Variants in MROH9 observed in about 807,000 individuals in gnomAD.
MROH9 encodes maestro heat-like repeat-containing protein family member 9.
A neutral mutation model predicts 98.2 loss-of-function variants in MROH9; 92 were observed. The ratio of observed to expected loss-of-function variants is 0.94; its 90% CI spans 0.79 to 1.11. The LOEUF is 1.11. Ranked by LOEUF, MROH9 falls within the 50% of genes most tolerant of loss-of-function variation. MROH9 has a pLI of 0.00. For synonymous variants in MROH9, 397 were observed against 368.9 expected (o/e 1.08, Z -0.87); for missense variants, 1,057 against 1,014.8 (o/e 1.04, Z -0.57).
chr1:171,037,151 T>TA (rs574133104), intron 20 of MROH9, among the ~76,000 whole-genome samples: 2 of 150,568 alleles, frequency 1.3e-5, no homozygotes, highest in Non-Finnish European at 3.0e-5. Flanking sequence ...ACTAACTCAT[T>TA]AAAAAATACA....
chr1:170,995,293 G>T lies in MROH9; in HGVS notation c.1195-96G>T, dbSNP rs148079176. The T allele has an allele frequency of 4.1e-5, 55 of 1,333,752 alleles. No homozygotes were observed. In the African/African-American group the frequency reaches 6.3e-4, roughly 15 times the overall value. 82.6% of individuals were successfully genotyped at this position (1,333,752 alleles called of 1,614,324 possible). On this transcript the variant is annotated intron_variant, in intron 12 of 21. Coordinates refer to ENST00000367759, the MANE Select transcript of MROH9 (RefSeq NM_001163629.2). ...GGTTTTCTTCAAGGAGGCTGAAGGAGGGGTTGCAGAGTCACTCTCTTGCTC... is the reference window on the plus strand; with the variant it reads ...GGTTTTCTTCAAGGAGGCTGAAGGATGGGTTGCAGAGTCACTCTCTTGCTC...
At chr1:171,030,802 C>T (rs1373867875) in intron 20 of MROH9, among the ~76,000 whole-genome samples, 2 of 152,098 alleles carry the variant, frequency 1.3e-5, no homozygotes, top group Non-Finnish European at 2.9e-5. Context: ...TCTATTGGGC[C>T]CATTTGATCC....
At chr1:170,959,621 A>G (rs1039548975) in intron 5 of MROH9, 24 bp downstream of exon 5, 2 of 1,606,658 alleles carry the variant, frequency 1.2e-6, no homozygotes, top group Admixed American at 1.7e-5. Context: ...TCCTTTAATC[A>G]TTATAGGATG....
chr1:171,001,269 T>C (rs772209890), intron 15 of MROH9, among the ~76,000 whole-genome samples: 4 of 152,138 alleles, frequency 2.6e-5, no homozygotes, highest in African/African-American at 9.6e-5. Flanking sequence ...TCTTGGTTAT[T>C]TTCTTTCTTC....
At chr1:171,010,408 T>C (rs781715552) in intron 15 of MROH9, among the ~76,000 whole-genome samples, 2 of 152,236 alleles carry the variant, frequency 1.3e-5, no homozygotes, top group Non-Finnish European at 2.9e-5. Context: ...CATGTGCATG[T>C]GTCTTTAGAG....
intron 3 of MROH9, among the ~76,000 whole-genome samples, chr1:170,957,459 T>A (rs1193286688): frequency 2.0e-5 from 3 of 152,212 alleles, no homozygotes; most frequent in African/African-American, 7.2e-5. Flanking sequence ...CTTGTCTCCC[T>A]TATCAAAGAT....
At chr1:170,995,927 A>G (rs1437910549) in intron 13 of MROH9, among the ~76,000 whole-genome samples, 1 of 152,174 alleles carries the variant, frequency 6.6e-6, no homozygotes, top group Non-Finnish European at 1.5e-5. Context: ...TAAGATTAAA[A>G]ATGATGTGCT....
intron 20 of MROH9, 144 bp downstream of exon 20, chr1:171,025,564 G>A (rs568908506): frequency 6.6e-5 from 39 of 592,414 alleles, no homozygotes; most frequent in South Asian, 5.6e-4. Context: ...AGGTTGATAC[G>A]TGTGATGAGA....
intron 2 of MROH9, 85 bp downstream of exon 2, chr1:170,945,666 C>T: frequency 8.6e-7 from 1 of 1,166,420 alleles, no homozygotes; most frequent in Non-Finnish European, 1.2e-6. Flanking sequence ...AGAGAGAAAC[C>T]TATACATCAT....
chr1:170,982,679 C>G (rs935628599), intron 8 of MROH9, among the ~76,000 whole-genome samples: 1 of 152,104 alleles, frequency 6.6e-6, no homozygotes, highest in Non-Finnish European at 1.5e-5. Context: ...TACTTGAGCC[C>G]AGGAGTTGGA....
In MROH9 at chr1:170,969,516, G is replaced by A. The variant is rs377481472; in HGVS notation, c.481-2232G>A. ...TGTTCTCTATTGAGAGAATTGTGGCGAAGTGGAAGAATGGAATTGAGATAG... is the reference window on the plus strand; with the variant it reads ...TGTTCTCTATTGAGAGAATTGTGGCAAAGTGGAAGAATGGAATTGAGATAG... On this transcript the variant is annotated intron_variant, in intron 7 of 21. Coordinates refer to ENST00000367759, the MANE Select transcript of MROH9 (RefSeq NM_001163629.2). Among the ~76,000 whole-genome samples the A allele has an allele frequency of 3.3e-5, 5 of 152,272 alleles. No homozygotes were observed. The East Asian group carries it at 5.8e-4, about 18-fold the overall frequency.
At chr1:171,008,412 T>A (rs1484587073) in intron 15 of MROH9, among the ~76,000 whole-genome samples, 1 of 152,214 alleles carries the variant, frequency 6.6e-6, no homozygotes, top group South Asian at 2.1e-4. Flanking sequence ...AGTTATTTAT[T>A]ATGTGTTGCC....
At chr1:170,943,644 A>G (rs956110940) in intron 1 of MROH9, among the ~76,000 whole-genome samples, 1 of 151,888 alleles carries the variant, frequency 6.6e-6, no homozygotes, top group African/African-American at 2.4e-5. Flanking sequence ...CATTTGATCT[A>G]TATAGGAGAA....
intron 4 of MROH9, among the ~76,000 whole-genome samples, chr1:170,959,100 G>T (rs1479191259): frequency 2.6e-5 from 4 of 152,124 alleles, no homozygotes; most frequent in Non-Finnish European, 5.9e-5. Context: ...GCTGGGCCAG[G>T]CACGGTGGCT....
At chr1:171,029,537 T>A (rs1307097368) in intron 20 of MROH9, among the ~76,000 whole-genome samples, 1 of 152,242 alleles carries the variant, frequency 6.6e-6, no homozygotes, top group Non-Finnish European at 1.5e-5. Context: ...CTTTTCTGCA[T>A]CTATGGAGAT....
chr1:171,040,319 T>C (rs768103796), intron 20 of MROH9, among the ~76,000 whole-genome samples: 1 of 152,080 alleles, frequency 6.6e-6, no homozygotes, highest in Admixed American at 6.6e-5. Context: ...CTGTACTTAA[T>C]AATATTGTAT....
At chr1:170,939,209 C>T (rs1412268070) in intron 1 of MROH9, among the ~76,000 whole-genome samples, 1 of 152,208 alleles carries the variant, frequency 6.6e-6, no homozygotes. Context: ...ATGTTCCTTC[C>T]AAGTTTCTGA....
chr1:170,975,243 C>A (rs1650635904), intron 8 of MROH9, among the ~76,000 whole-genome samples: 1 of 151,938 alleles, frequency 6.6e-6, no homozygotes, highest in African/African-American at 2.4e-5. Flanking sequence ...AAATATAAAA[C>A]ATACATGAAT....
intron 1 of MROH9, among the ~76,000 whole-genome samples, chr1:170,935,850 G>C (rs1198044258): frequency 5.9e-5 from 9 of 151,570 alleles, no homozygotes; most frequent in Non-Finnish European, 1.2e-4. Flanking sequence ...AAATTAGCTG[G>C]GTGTGGTGGC....
Sources: gnomAD v4.1 joint callset for allele counts (sites outside exome capture counted in the v4.1 genomes callset) on GRCh38, gnomAD v4.1.1 for gene constraint, MANE v1.5 for transcripts, NCBI Gene and HGNC (gene_info 2026-07-23, HGNC 2026-07-21) for gene names.